The following GCH1 variants were observed in gnomAD, a reference collection of about 807,000 sequenced individuals.
GCH1 encodes the protein GTP cyclohydrolase 1.
In GCH1, 5 loss-of-function variants were observed where a neutral mutation model predicts 25.9. The ratio of observed to expected loss-of-function variants is 0.19; its 90% CI spans 0.10 to 0.41. GCH1 has a LOEUF of 0.41. Ranked by LOEUF, GCH1 falls within the 10% of genes least tolerant of loss-of-function variation. The pLI is 1.00. For synonymous variants in GCH1, 159 were observed against 129.6 expected, an observed-to-expected ratio of 1.23 and a Z score of -1.54; for missense variants, 261 against 336.5, an observed-to-expected ratio of 0.78 and a Z score of 1.75.
intron 3 of GCH1, among the ~76,000 whole-genome samples, chr14:54,857,864 C>A (rs2039835627): frequency 6.6e-6 from 1 of 152,178 alleles, no homozygotes; most frequent in Non-Finnish European, 1.5e-5. Context: ...ATGGATCACA[C>A]GCAAGCAGCC....
At chr14:54,902,261 G>A in intron 1 of GCH1, 60 bp downstream of exon 1, 1 of 1,569,102 alleles carries the variant, frequency 6.4e-7, no homozygotes, top group Admixed American at 1.7e-5. Context: ...GCCGGCGCGC[G>A]TTTCCTGCAA....
chr14:54,862,619 T>C (rs1483214198), intron 2 of GCH1, among the ~76,000 whole-genome samples: 1 of 147,532 alleles, frequency 6.8e-6, no homozygotes, highest in East Asian at 2.0e-4. Context: ...GTTGGTTTTT[T>C]TTTTTTTGGT....
chr14:54,860,755 G>A (rs1490544718), intron 2 of GCH1, among the ~76,000 whole-genome samples: 4 of 152,088 alleles, frequency 2.6e-5, no homozygotes, highest in African/African-American at 9.7e-5. Flanking sequence ...TAGCCAGGAT[G>A]GTTTCGATCT....
At chr14:54,865,274 G>T in intron 2 of GCH1, 53 bp downstream of exon 2, 1 of 844,768 alleles carries the variant, frequency 1.2e-6, no homozygotes, top group South Asian at 1.5e-5. Flanking sequence ...TATTCTAATT[G>T]AAAAACTTTC....
intron 1 of GCH1, among the ~76,000 whole-genome samples, chr14:54,879,077 T>C (rs962415717): frequency 1.3e-5 from 2 of 152,082 alleles, no homozygotes; most frequent in African/African-American, 4.8e-5. Flanking sequence ...TTCCTTAAAA[T>C]ACATTTTTAA....
At chr14:54,880,814 TATATATATATATACTCC>T (rs1186248457) in intron 1 of GCH1, among the ~76,000 whole-genome samples, 5 of 91,888 alleles carry the variant, frequency 5.4e-5, no homozygotes, top group South Asian at 3.2e-4. Context: ...ATACTCCATA[TATATATATATATACTCC>T]ATATATATAT....
intron 1 of GCH1, chr14:54,885,660 AG>A: frequency 3.9e-6 from 1 of 255,482 alleles, no homozygotes; most frequent in Non-Finnish European, 7.7e-6. Context: ...AGGCCAAGGC[AG>A]GGGGATTACC....
At chr14:54,886,986 G>T (rs2040361903) in intron 1 of GCH1, among the ~76,000 whole-genome samples, 1 of 152,202 alleles carries the variant, frequency 6.6e-6, no homozygotes, top group South Asian at 2.1e-4. Flanking sequence ...CAGAAAGAGT[G>T]GCCTAATGCC....
chr14:54,902,798 A>G lies in GCH1; in HGVS notation c.-135T>C. The G allele has an allele frequency of 8.6e-6, 10 of 1,161,020 alleles. No individual in the cohort carries two copies. Among genetic ancestry groups the G allele is most frequent in the Non-Finnish European group, 9.9e-6 (9 of 909,510 alleles). 71.9% of individuals were successfully genotyped at this position (1,161,020 alleles called of 1,614,324 possible). A position where few individuals can be genotyped will look rare whatever the true frequency, so the allele number is the denominator to read the frequency against. ...GGAAGGTACGCAACCTGCTTAGATC[A>G]CACTCCGAGCCGGGAGCGGCCACAG... On this transcript the variant is annotated 5_prime_UTR_variant, in exon 1 of 6. Coordinates refer to ENST00000491895, the MANE Select transcript of GCH1 (RefSeq NM_000161.3).
chr14:54,890,998 A>G (rs933262365), intron 1 of GCH1, among the ~76,000 whole-genome samples: 2 of 152,202 alleles, frequency 1.3e-5, no homozygotes, highest in Admixed American at 6.5e-5. Flanking sequence ...CTACTCATAG[A>G]GACCATCTAC....
chr14:54,901,054 A>G (rs2040559522), intron 1 of GCH1, among the ~76,000 whole-genome samples: 1 of 152,130 alleles, frequency 6.6e-6, no homozygotes, highest in South Asian at 2.1e-4. Context: ...CCGGTTTTAG[A>G]GTGTAGCATC....
At chr14:54,885,540 G>T in intron 1 of GCH1, 1 of 368,214 alleles carries the variant, frequency 2.7e-6, no homozygotes, top group South Asian at 2.5e-5. Context: ...GATACAAGCA[G>T]ATCTGCCCCC....
intron 1 of GCH1, among the ~76,000 whole-genome samples, chr14:54,866,230 T>C (rs1441864927): frequency 2.0e-5 from 3 of 152,046 alleles, no homozygotes; most frequent in African/African-American, 7.2e-5. Flanking sequence ...CTTCCTAACA[T>C]TCGGTGACTG....
intron 3 of GCH1, among the ~76,000 whole-genome samples, chr14:54,853,469 G>A (rs929642709): frequency 3.3e-5 from 5 of 152,166 alleles, no homozygotes; most frequent in African/African-American, 4.8e-5. Context: ...TGGCTTTAGT[G>A]CTAATTCCAG....
rs142216559 is a variant in GCH1 at position 54,901,013 on chromosome 14, G to A, written c.343+1308C>T. ...TTTTGCAATTGAGGGGTAAAAAAAA[G>A]TGAATTTGGAAACAGAACTAGAAGT... On this transcript the variant is annotated intron_variant, in intron 1 of 5. Coordinates refer to ENST00000491895, the MANE Select transcript of GCH1 (RefSeq NM_000161.3). Among the ~76,000 whole-genome samples, 815 of 152,190 alleles carry A rather than the reference G, an allele frequency of 5.4e-3. 12 individuals are homozygous for A. Among genetic ancestry groups the A allele is most frequent in the African/African-American group, 0.019 (771 of 41,514 alleles).
In GCH1 at chr14:54,842,671, G is replaced by T; in HGVS notation, c.*1346C>A. The T allele has an allele frequency of 4.4e-6, 1 of 226,658 alleles. No individual in the cohort carries two copies. Among genetic ancestry groups the T allele is most frequent in the Non-Finnish European group, 8.5e-6 (1 of 117,632 alleles). 14.0% of individuals were successfully genotyped at this position (226,658 alleles called of 1,614,324 possible). ...GCAAGCATCAAAGTTATTACTTTTA[G>T]GGTAATGGGATGAATTTGAAGAGCA... On this transcript the variant is annotated 3_prime_UTR_variant, in exon 6 of 6. Transcript: ENST00000491895.
chr14:54,856,048 C>G (rs2039806374), intron 3 of GCH1, among the ~76,000 whole-genome samples: 1 of 152,090 alleles, frequency 6.6e-6, no homozygotes, highest in South Asian at 2.1e-4. Flanking sequence ...ACTGCTCCCT[C>G]TGTAATCTAA....
chr14:54,878,128 G>A (rs1398756836), intron 1 of GCH1: 1 of 154,748 alleles, frequency 6.5e-6, no homozygotes, highest in African/African-American at 2.4e-5. Context: ...AAGGTAAGAA[G>A]AAACTCCAGG....
chr14:54,850,798 G>A (rs2039718015), intron 3 of GCH1, among the ~76,000 whole-genome samples: 1 of 152,114 alleles, frequency 6.6e-6, no homozygotes, highest in African/African-American at 2.4e-5. Flanking sequence ...TCCCTACAAA[G>A]GACATGAACT....
Sources: allele counts gnomAD v4.1 joint callset (sites outside exome capture counted in the v4.1 genomes callset), GRCh38; gene constraint gnomAD v4.1.1; transcripts MANE v1.5; gene names NCBI Gene and HGNC (gene_info 2026-07-23, HGNC 2026-07-21).